RPS6KC1: variants seen among roughly 807,000 people sequenced by gnomAD.
RPS6KC1 encodes the protein ribosomal protein S6 kinase C1.
In RPS6KC1, 54 loss-of-function variants were observed where a neutral mutation model predicts 103.8. The ratio of observed to expected loss-of-function variants is 0.52; its 90% CI spans 0.42 to 0.65. The LOEUF (loss-of-function observed/expected upper bound fraction) is 0.65. RPS6KC1 is among the 30% of genes least tolerant of loss of function. RPS6KC1 has a pLI of 0.00. For missense variants in RPS6KC1, 1,151 were observed against 1,253.8 expected (o/e 0.92, Z 1.24); for synonymous variants, 439 against 438.7 (o/e 1.00, Z -0.01).
intron 2 of RPS6KC1, chr1:213,072,987 G>T: frequency 1.2e-6 from 1 of 803,774 alleles, no homozygotes. Context: ...GAAAACTCTT[G>T]TAAGTGTCTT....
the RPS6KC1 span, among the ~76,000 whole-genome samples, chr1:213,434,055 T>C: frequency 6.6e-6 from 1 of 152,216 alleles, no homozygotes; most frequent in East Asian, 1.9e-4. Context: ...CTTACCTTTT[T>C]TTTTTTTACT....
At chr1:213,071,776 A>G (rs1333585049) in intron 2 of RPS6KC1, among the ~76,000 whole-genome samples, 1 of 152,230 alleles carries the variant, frequency 6.6e-6, no homozygotes, top group Non-Finnish European at 1.5e-5. Flanking sequence ...ACATGTTGAC[A>G]TCTTGGAAAA....
the RPS6KC1 span, among the ~76,000 whole-genome samples, chr1:213,491,483 G>A: frequency 3.3e-5 from 5 of 152,296 alleles, no homozygotes; most frequent in Admixed American, 1.3e-4. Context: ...AGGAGGCAGA[G>A]ATTGAAGTGA....
the RPS6KC1 span, among the ~76,000 whole-genome samples, chr1:213,838,806 T>G: frequency 6.6e-6 from 1 of 152,212 alleles, no homozygotes; most frequent in Admixed American, 6.5e-5. Flanking sequence ...TGCTCATTTT[T>G]TTATCTCATA....
At chr1:213,546,602 T>C in the RPS6KC1 span, among the ~76,000 whole-genome samples, 7 of 152,288 alleles carry the variant, frequency 4.6e-5, no homozygotes, top group African/African-American at 1.7e-4. Flanking sequence ...AGTGTATGAA[T>C]TTAGAATTTT....
the RPS6KC1 span, among the ~76,000 whole-genome samples, chr1:213,471,234 T>C: frequency 6.6e-6 from 1 of 152,278 alleles, no homozygotes; most frequent in African/African-American, 2.4e-5. Context: ...TTCTTTCTGG[T>C]ATAACTAGAG....
chr1:213,239,793 A>G (rs1011415291), intron 10 of RPS6KC1, among the ~76,000 whole-genome samples: 2 of 152,134 alleles, frequency 1.3e-5, no homozygotes, highest in Non-Finnish European at 2.9e-5. Context: ...AAATTTAATT[A>G]ATTATTCTTT....
the RPS6KC1 span, among the ~76,000 whole-genome samples, chr1:213,769,732 A>C: frequency 1.3e-5 from 2 of 152,344 alleles, no homozygotes; most frequent in East Asian, 3.9e-4. Flanking sequence ...AAGAAAAAGA[A>C]AATGACAGGC....
At chr1:213,446,358 T>G in the RPS6KC1 span, among the ~76,000 whole-genome samples, 1 of 152,258 alleles carries the variant, frequency 6.6e-6, no homozygotes, top group African/African-American at 2.4e-5. Flanking sequence ...ATACATGGGA[T>G]TTGACTGATT....
the RPS6KC1 span, among the ~76,000 whole-genome samples, chr1:213,625,529 G>C: frequency 6.6e-6 from 1 of 152,102 alleles, no homozygotes; most frequent in African/African-American, 2.4e-5. Context: ...GCTGCACCCA[G>C]TAACTTGTCA....
intron 6 of RPS6KC1, among the ~76,000 whole-genome samples, chr1:213,138,651 T>C (rs2086658835): frequency 6.6e-6 from 1 of 152,230 alleles, no homozygotes; most frequent in Non-Finnish European, 1.5e-5. Flanking sequence ...GATTATGGCC[T>C]TCAGTTCCAT....
the RPS6KC1 span, among the ~76,000 whole-genome samples, chr1:213,708,180 AT>A: frequency 2.0e-5 from 3 of 152,026 alleles, no homozygotes; most frequent in Non-Finnish European, 4.4e-5. Context: ...TGAGCATGGA[AT>A]TTTTTTACTT....
At chr1:213,715,128 G>C in the RPS6KC1 span, among the ~76,000 whole-genome samples, 1 of 152,336 alleles carries the variant, frequency 6.6e-6, no homozygotes, top group South Asian at 2.1e-4. Context: ...ACTGAGAAAG[G>C]GAAGACAGGC....
chr1:213,389,372 G>A, the RPS6KC1 span, among the ~76,000 whole-genome samples: 2 of 152,210 alleles, frequency 1.3e-5, no homozygotes, highest in Non-Finnish European at 2.9e-5. Context: ...TGTGGAGTCA[G>A]TGCCTTGCTT....
chr1:213,759,389 A>G, the RPS6KC1 span, among the ~76,000 whole-genome samples: 4 of 152,226 alleles, frequency 2.6e-5, no homozygotes, highest in African/African-American at 9.6e-5. Context: ...TACTTGCTTC[A>G]TTGCAATGGT....
At chr1:213,664,841 G>A in the RPS6KC1 span, among the ~76,000 whole-genome samples, 1 of 152,138 alleles carries the variant, frequency 6.6e-6, no homozygotes. Flanking sequence ...AAAAATGAAT[G>A]AGACCTCTAC....
the RPS6KC1 span, among the ~76,000 whole-genome samples, chr1:213,832,313 T>C: frequency 6.6e-6 from 1 of 152,218 alleles, no homozygotes; most frequent in East Asian, 1.9e-4. Context: ...ACCCAATCCA[T>C]TGACTGGGGC....
the RPS6KC1 span, among the ~76,000 whole-genome samples, chr1:213,838,128 T>C: frequency 4.6e-5 from 7 of 152,218 alleles, no homozygotes; most frequent in Admixed American, 2.0e-4. Context: ...ATTTTTATCA[T>C]GAAAACTTTA....
rs569717237 is a variant in RPS6KC1, at chr1:213,069,789, A to G, written c.106-1217A>G. ...ATTTATCTTTTTGTTTATTTTTGCAAAATACACCATTGTAGCTTCAAAACC... is the reference window on the plus strand; with the variant it reads ...ATTTATCTTTTTGTTTATTTTTGCAGAATACACCATTGTAGCTTCAAAACC... On this transcript the variant is annotated intron_variant, in intron 1 of 14. Coordinates refer to ENST00000366960, the MANE Select transcript of RPS6KC1 (RefSeq NM_012424.6). Among the ~76,000 whole-genome samples the G allele has an allele frequency of 5.3e-5, 8 of 152,332 alleles. No homozygotes were observed. The South Asian group carries it at 6.2e-4, about 12-fold the overall frequency.
Sources: allele counts gnomAD v4.1 joint callset (sites outside exome capture counted in the v4.1 genomes callset), GRCh38; gene constraint gnomAD v4.1.1; transcripts MANE v1.5; gene names NCBI Gene and HGNC (gene_info 2026-07-23, HGNC 2026-07-21).